ARMC12: variants seen among roughly 807,000 people sequenced by gnomAD.
ARMC12 encodes armadillo repeat-containing protein 12.
A neutral mutation model predicts 37.4 loss-of-function variants in ARMC12; 25 were observed. The ratio of observed to expected loss-of-function variants is 0.67; its 90% confidence interval spans 0.49 to 0.93. ARMC12 has a LOEUF of 0.93. Among genes scored for constraint, ARMC12 ranks in the 40% least tolerant of loss-of-function variants. The pLI is 0.00. For missense variants in ARMC12, 384 were observed against 426.6 expected (o/e 0.90, Z 0.88); for synonymous variants, 167 against 176.1 (o/e 0.95, Z 0.41).
chr6:35,738,296 G>GGGGGGGGGGGGGGT, intron 2 of ARMC12, 88 bp from the exon 3 acceptor site: 2 of 1,394,722 alleles, frequency 1.4e-6, no homozygotes, highest in South Asian at 2.6e-5. Flanking sequence ...TGGGGGGGGG[G>GGGGGGGGGGGGGGT]TGTGCGGAGG....
rs753946585 is a variant in ARMC12, at chr6:35,747,272, C to T, written c.456C>T (p.Ile152=). Residue 152 remains isoleucine (I), a synonymous_variant, in exon 4 of 6, where the codon ATC becomes ATT. Coordinates refer to ENST00000373866, the MANE Select transcript of ARMC12 (RefSeq NM_001286574.2). ...KFRLKIQEHS[I]KVLELISTIW... is the part of the protein sequence containing the mutation. ...CTCCCCCACTCCAGGAACACTCCAT[C>T]AAAGTACTCGAACTGATCTCCACCA... The T allele has an allele frequency of 6.2e-7, 1 of 1,612,028 alleles. No homozygotes were observed. The highest frequency in any genetic ancestry group is 1.1e-5 in the South Asian group (1 of 90,982).
upstream of ARMC12, among the ~76,000 whole-genome samples, chr6:35,734,357 G>A (rs966708300): frequency 2.6e-5 from 4 of 152,080 alleles, no homozygotes; most frequent in African/African-American, 9.7e-5. Context: ...GGTTGGCGGG[G>A]TTTGCTTCAG....
chr6:35,748,967 T>G lies in ARMC12; in HGVS notation c.*97T>G, dbSNP rs1018523086. 1.6e-6 allele frequency: 2 copies of G among 1,220,686 alleles called. No individual in the cohort carries two copies. The highest frequency in any genetic ancestry group is 3.1e-5 in the African/African-American group (2 of 65,066). The allele number at this position is 1,220,686 out of a possible 1,614,324, so 75.6% of individuals were successfully genotyped here. A position where few individuals can be genotyped will look rare whatever the true frequency, so the allele number is the denominator to read the frequency against. ...GGCCTTCCAGGGCTGGGTGGAGATT[T>G]CATTCAGCATAACCTCTGCTCCAGA... On this transcript the variant is annotated 3_prime_UTR_variant, in exon 6 of 6. Coordinates refer to ENST00000373866, the MANE Select transcript of ARMC12 (RefSeq NM_001286574.2).
chr6:35,747,178 G>C (rs1388540802), intron 3 of ARMC12, 83 bp from the exon 4 acceptor site: 1 of 1,495,356 alleles, frequency 6.7e-7, no homozygotes, highest in Non-Finnish European at 9.1e-7. Flanking sequence ...GGACATCCAT[G>C]GGGACAGTGA....
rs1277160894 is a variant in ARMC12 at position 35,747,318 on chromosome 6, A to T, written c.502A>T (p.Ile168Phe). Reference sequence around the variant, plus strand: ...CACCATCTGGGACACGGAACTGCACATTGCGGGCCTCAGACTCCTCAACAA... The same window carrying T: ...CACCATCTGGGACACGGAACTGCACTTTGCGGGCCTCAGACTCCTCAACAA... ...ISTIWDTELH[I>F]AGLRLLNNLP... is the part of the protein sequence containing the mutation. The change falls in exon 4 of 6, where the codon ATT becomes TTT. Residue 168 changes from isoleucine to phenylalanine, a missense_variant. Coordinates refer to ENST00000373866, the MANE Select transcript of ARMC12 (RefSeq NM_001286574.2). The T allele has an allele frequency of 1.9e-6, 3 of 1,613,856 alleles. No individual in the cohort carries two copies. The Admixed American group carries it at 5.0e-5, about 27-fold the overall frequency.
intron 3 of ARMC12, 48 bp downstream of exon 3, chr6:35,738,566 TAA>T (rs1561920240): frequency 6.3e-7 from 1 of 1,599,270 alleles, no homozygotes; most frequent in Admixed American, 1.7e-5. Flanking sequence ...CTATAGTCCT[TAA>T]GTCCTTTAAT....
chr6:35,747,755 T>G (rs1767387913), intron 5 of ARMC12, 108 bp downstream of exon 5: 1 of 1,116,230 alleles, frequency 9.0e-7, no homozygotes, highest in African/African-American at 1.5e-5. Context: ...TGTTTTAGTA[T>G]CTTCCTGCCT....
At chr6:35,741,012 A>G (rs1272609379) in intron 3 of ARMC12, among the ~76,000 whole-genome samples, 6 of 145,210 alleles carry the variant, frequency 4.1e-5, no homozygotes, top group South Asian at 2.2e-4. Flanking sequence ...CAGTCCTCCC[A>G]CCTCAGCTCC....
chr6:35,744,003 G>C (rs1767257801), intron 3 of ARMC12, among the ~76,000 whole-genome samples: 1 of 151,798 alleles, frequency 6.6e-6, no homozygotes, highest in Non-Finnish European at 1.5e-5. Context: ...GCTTGGTGAA[G>C]AGTTCATGAC....
At chr6:35,732,693 TAA>T (rs1766863992), upstream of ARMC12, among the ~76,000 whole-genome samples, 1 of 152,076 alleles carries the variant, frequency 6.6e-6, no homozygotes, top group Non-Finnish European at 1.5e-5. Flanking sequence ...AGGATACTGG[TAA>T]AGAGAATGAG....
At position 35,748,917 on chromosome 6, in the gene ARMC12, T is replaced by C. The variant is rs930795738; in HGVS notation, c.*47T>C. 2.0e-6 allele frequency: 3 copies of C among 1,531,494 alleles called. No individual in the cohort carries two copies. The highest frequency in any genetic ancestry group is 2.8e-5 in the African/African-American group (2 of 72,042). 94.9% of individuals were successfully genotyped at this position (1,531,494 alleles called of 1,614,324 possible). On this transcript the variant is annotated 3_prime_UTR_variant, in exon 6 of 6. Coordinates refer to ENST00000373866, the MANE Select transcript of ARMC12 (RefSeq NM_001286574.2). The stretch of plus-strand genomic sequence containing the variant: ...GAGTATAGGAGAGAAACTTGAAGTT[T>C]CTTGAAGCTCGAATGTCTGTTGGTG...
At chr6:35,741,070 T>A (rs1460190060) in intron 3 of ARMC12, among the ~76,000 whole-genome samples, 1 of 152,054 alleles carries the variant, frequency 6.6e-6, no homozygotes, top group Non-Finnish European at 1.5e-5. Flanking sequence ...GGGAGTACTA[T>A]GTTTCTCAGG....
chr6:35,749,045 G>C lies in ARMC12; in HGVS notation c.*175G>C. ...AAAACACATCCCCACTTCTATGTTTGGGGGACTAGCTCCCCTCTTCTCTTG... is the reference window on the plus strand; with the variant it reads ...AAAACACATCCCCACTTCTATGTTTCGGGGACTAGCTCCCCTCTTCTCTTG... On this transcript the variant is annotated 3_prime_UTR_variant, in exon 6 of 6. Coordinates refer to ENST00000373866, the MANE Select transcript of ARMC12 (RefSeq NM_001286574.2). The C allele has an allele frequency of 1.7e-6, 1 of 593,460 alleles. No homozygotes were observed. The highest frequency in any genetic ancestry group is 2.8e-6 in the Non-Finnish European group (1 of 361,428). 36.8% of individuals were successfully genotyped at this position (593,460 alleles called of 1,614,324 possible). A position where few individuals can be genotyped will look rare whatever the true frequency, so the allele number is the denominator to read the frequency against.
In ARMC12 at chr6:35,738,369, TC is replaced by T; in HGVS notation, c.310-11del. 6.2e-7 allele frequency: 1 copy of T among 1,610,544 alleles called. No individual in the cohort carries two copies. Among genetic ancestry groups the T allele is most frequent in the African/African-American group, 1.3e-5 (1 of 74,328 alleles). The stretch of plus-strand genomic sequence containing the variant: ...CCGCTTCTCCTGCCTCTTCCATCTC[TC>T]CCCAATACTCCAGGCCTCTGCTTGT... On this transcript the variant is annotated splice_polypyrimidine_tract_variant and intron_variant, in intron 2 of 5. Transcript: ENST00000373866.
rs367576732 is a variant in ARMC12, at chr6:35,747,276, G to A, written c.460G>A (p.Val154Ile). ...RLKIQEHSIK[V>I]LELISTIWDT... is the part of the protein sequence containing the mutation. ...CCCACTCCAGGAACACTCCATCAAA[G>A]TACTCGAACTGATCTCCACCATCTG... The change falls in exon 4 of 6, where the codon GTA becomes ATA. Residue 154 changes from valine to isoleucine, a missense_variant. By Grantham distance (29) the Val-to-Ile change is conservative. Transcript: ENST00000373866. 2.9e-5 allele frequency: 46 copies of A among 1,612,236 alleles called. 1 individual carries two copies. In the Middle Eastern group the frequency reaches 3.1e-3, roughly 110 times the overall value.
At chr6:35,742,262 G>GCTGAGGTGGGCAGATCAC (rs1350902198) in intron 3 of ARMC12, among the ~76,000 whole-genome samples, 15 of 151,872 alleles carry the variant, frequency 9.9e-5, no homozygotes, top group Non-Finnish European at 2.1e-4. Context: ...ACTTTGGGAG[G>GCTGAGGTGGGCAGATCAC]CTGAGGTGGG....
chr6:35,748,620 T>A lies in ARMC12; in HGVS notation c.773T>A (p.Leu258Gln). 1.2e-6 allele frequency: 2 copies of A among 1,608,584 alleles called. No homozygotes were observed. Among genetic ancestry groups the A allele is most frequent in the Non-Finnish European group, 1.7e-6 (2 of 1,176,658 alleles). The change falls in exon 6 of 6, where the codon CTG becomes CAG. Residue 258 changes from leucine (L) to glutamine (Q), a missense_variant. Transcript: ENST00000373866. Reference sequence around the variant, plus strand: ...GAGGTACTGGTGTTTGCTGAGCGGCTGAGTGAGGGCCGGAACGCACCCCAC... The same window carrying A: ...GAGGTACTGGTGTTTGCTGAGCGGCAGAGTGAGGGCCGGAACGCACCCCAC... The part of the protein sequence containing the change: ...LYEVLVFAER[L>Q]SEGRNAPHYH...
chr6:35,742,105 C>T (rs1196927824), intron 3 of ARMC12, among the ~76,000 whole-genome samples: 1 of 152,014 alleles, frequency 6.6e-6, no homozygotes, highest in Non-Finnish European at 1.5e-5. Flanking sequence ...GATCCACCTG[C>T]CTCAGCCTCC....
the ARMC12 span, among the ~76,000 whole-genome samples, chr6:35,731,917 A>G: frequency 3.3e-5 from 5 of 152,180 alleles, no homozygotes; most frequent in Non-Finnish European, 7.4e-5. Context: ...CGAGCGCGGG[A>G]GAGAAAGAGT....
Sources: allele counts gnomAD v4.1 joint callset (sites outside exome capture counted in the v4.1 genomes callset), GRCh38; gene constraint gnomAD v4.1.1; transcripts MANE v1.5; gene names NCBI Gene and HGNC (gene_info 2026-07-23, HGNC 2026-07-21).